Variants in C12orf60 observed in about 807,000 individuals in gnomAD.
C12orf60 encodes uncharacterized protein C12orf60.
For synonymous variants in C12orf60, 102 were observed against 94.6 expected, an observed-to-expected ratio of 1.08 and a Z score of -0.45; for missense variants, 284 against 283.2, an observed-to-expected ratio of 1.00 and a Z score of -0.02.
intron 1 of C12orf60, among the ~76,000 whole-genome samples, chr12:14,820,605 G>T (rs899536724): frequency 8.6e-4 from 130 of 151,886 alleles, no homozygotes; most frequent in African/African-American, 3.1e-3. Context: ...ATTTAAGGGT[G>T]TGTTGTTTAA....
Position 14,803,747 on chromosome 12 carries a change from G to A in C12orf60, c.-29G>A. 1 of 364,584 alleles carries A rather than the reference G, an allele frequency of 2.7e-6. No homozygotes were observed. Among genetic ancestry groups the A allele is most frequent in the Non-Finnish European group, 4.9e-6 (1 of 205,106 alleles). The allele number at this position is 364,584 out of a possible 1,614,324, so 22.6% of individuals were successfully genotyped here. A position where few individuals can be genotyped will look rare whatever the true frequency, so the allele number is the denominator to read the frequency against. On this transcript the variant is annotated 5_prime_UTR_variant, in exon 1 of 2. Coordinates refer to ENST00000330828, the MANE Select transcript of C12orf60 (RefSeq NM_175874.4). ...AGGCATCTTGACTTAGTTGCTGGGA[G>A]CCTGGTACGTTGAGCCGTCCGAGAA... is the stretch of plus-strand genomic sequence containing the variant.
intron 1 of C12orf60, among the ~76,000 whole-genome samples, chr12:14,809,085 C>A (rs1291036934): frequency 6.6e-6 from 1 of 152,120 alleles, no homozygotes; most frequent in East Asian, 1.9e-4. Flanking sequence ...AGCTATATTC[C>A]TTTTCAGACA....
At chr12:14,807,499 T>A (rs1950072062) in intron 1 of C12orf60, among the ~76,000 whole-genome samples, 1 of 152,202 alleles carries the variant, frequency 6.6e-6, no homozygotes, top group Admixed American at 6.5e-5. Context: ...TACAGGGCTG[T>A]TTTTTGTATT....
chr12:14,812,148 G>A (rs1201976538), intron 1 of C12orf60, among the ~76,000 whole-genome samples: 2 of 152,124 alleles, frequency 1.3e-5, no homozygotes, highest in African/African-American at 4.8e-5. Context: ...CCTATTTATA[G>A]CTTTAAAAAT....
intron 1 of C12orf60, among the ~76,000 whole-genome samples, chr12:14,812,198 A>C (rs954922021): frequency 6.6e-6 from 1 of 152,110 alleles, no homozygotes; most frequent in African/African-American, 2.4e-5. Flanking sequence ...TAATCCGAGC[A>C]CTTTGGGAGG....
chr12:14,821,802 G>T (rs1336983363), intron 1 of C12orf60, among the ~76,000 whole-genome samples: 2 of 151,788 alleles, frequency 1.3e-5, no homozygotes, highest in African/African-American at 4.8e-5. Context: ...ATTGCAACTG[G>T]TTCTCACCTG....
intron 1 of C12orf60, among the ~76,000 whole-genome samples, chr12:14,808,447 G>A (rs1402878494): frequency 6.6e-6 from 1 of 151,970 alleles, no homozygotes; most frequent in Non-Finnish European, 1.5e-5. Context: ...GTGGAATCTG[G>A]CACAGCCTCT....
chr12:14,822,343 C>CAAA (rs1950319370), intron 1 of C12orf60, among the ~76,000 whole-genome samples: 1 of 151,730 alleles, frequency 6.6e-6, no homozygotes, highest in Non-Finnish European at 1.5e-5. Flanking sequence ...ACAACAACAA[C>CAAA]AAACACAGAA....
In C12orf60 at chr12:14,823,679, C is replaced by T; in HGVS notation, c.*6C>T. The T allele has an allele frequency of 1.3e-6, 2 of 1,535,482 alleles. No homozygotes were observed. The highest frequency in any genetic ancestry group is 2.6e-5 in the South Asian group (2 of 77,164). ...AGAAAGCCAGTGACAAGTAGGGATG[C>T]AACAGAAATGTTCATTTCTGTCAGA... On this transcript the variant is annotated 3_prime_UTR_variant, in exon 2 of 2. Coordinates refer to ENST00000330828, the MANE Select transcript of C12orf60 (RefSeq NM_175874.4).
rs1430249570 is a variant in C12orf60, at chr12:14,822,949, C to T, written c.14C>T (p.Ser5Leu). 6.3e-7 allele frequency: 1 copy of T among 1,575,192 alleles called. No homozygotes were observed. Among genetic ancestry groups the T allele is most frequent in the Non-Finnish European group, 8.6e-7 (1 of 1,158,286 alleles). The change falls in exon 2 of 2, where the codon TCA becomes TTA. Residue 5 changes from serine to leucine, a missense_variant. Ser to Leu is a moderately radical substitution (Grantham distance 145). Coordinates refer to ENST00000330828, the MANE Select transcript of C12orf60 (RefSeq NM_175874.4). MSSE[S>L]EKDKERLIQA... ...TTTGTTGGAGAAATGTCTTCAGAGT[C>T]AGAAAAGGATAAAGAGAGACTGATT...
chr12:14,813,474 T>C (rs1255310423), intron 1 of C12orf60, among the ~76,000 whole-genome samples: 9 of 152,228 alleles, frequency 5.9e-5, no homozygotes. Context: ...ATATACTTTC[T>C]GATATAAATT....
chr12:14,806,280 T>C (rs780879666), intron 1 of C12orf60: 1 of 1,614,232 alleles, frequency 6.2e-7, no homozygotes, highest in South Asian at 1.1e-5. Context: ...GCCCACAAGT[T>C]TAACAGCGAC....
At position 14,804,201 on chromosome 12, in the gene C12orf60, C is replaced by G. The variant is rs767775776; in HGVS notation, c.-25+450C>G. 9.9e-4 allele frequency among the ~76,000 whole-genome samples: 150 copies of G among 152,128 alleles called. 2 individuals are homozygous for G. Among genetic ancestry groups the G allele is most frequent in the Non-Finnish European group, 3.4e-4 (23 of 68,024 alleles). The stretch of plus-strand genomic sequence containing the variant: ...CTATATTCCCGACTGGTCTTTTCAC[C>G]AGCCAAAAGTCCTCTATGATGTCAC... On this transcript the variant is annotated intron_variant, in intron 1 of 1. Transcript: ENST00000330828.
intron 1 of C12orf60, among the ~76,000 whole-genome samples, 173 bp downstream of exon 1, chr12:14,803,924 C>G (rs1466119457): frequency 1.3e-5 from 2 of 152,172 alleles, no homozygotes; most frequent in Non-Finnish European, 2.9e-5. Flanking sequence ...ACATTTGCCA[C>G]TGAGTTTAAT....
In C12orf60 at chr12:14,823,619, G is replaced by A. The variant is rs17761825; in HGVS notation, c.684G>A (p.Ala228=). Residue 228 remains alanine (A), a synonymous_variant, in exon 2 of 2, where the codon GCG becomes GCA. Transcript: ENST00000330828. ...MGPILEILQK[A]IKTMEMNISV... is the part of the protein sequence containing the mutation. ...CAATCTTAGAGATCCTCCAAAAAGC[G>A]ATAAAGACTATGGAAATGAATATTT... 1.5e-4 allele frequency: 243 copies of A among 1,603,272 alleles called. No homozygotes were observed. The highest frequency in any genetic ancestry group is 1.8e-4 in the Non-Finnish European group (210 of 1,176,954).
intron 1 of C12orf60, among the ~76,000 whole-genome samples, chr12:14,808,710 C>G (rs1950092936): frequency 1.3e-5 from 2 of 152,304 alleles, no homozygotes; most frequent in Non-Finnish European, 2.9e-5. Flanking sequence ...GAAAAATGCA[C>G]TGGAACCTCC....
rs774686155 is a variant in C12orf60, at chr12:14,806,600, A to G, written c.-25+2849A>G. 77 of 1,614,130 alleles carry G rather than the reference A, an allele frequency of 4.8e-5. No individual in the cohort carries two copies. The East Asian group carries it at 1.7e-3, about 36-fold the overall frequency. The stretch of plus-strand genomic sequence containing the variant: ...TGACATCGAAGCTGTCAGATAAGCA[A>G]TCAAGAAGCTGCTGGTGAAGACGAT... On this transcript the variant is annotated intron_variant, in intron 1 of 1. Coordinates refer to ENST00000330828, the MANE Select transcript of C12orf60 (RefSeq NM_175874.4).
intron 1 of C12orf60, among the ~76,000 whole-genome samples, chr12:14,804,080 A>C (rs911737054): frequency 6.6e-6 from 1 of 152,180 alleles, no homozygotes; most frequent in Non-Finnish European, 1.5e-5. Context: ...ATGGGCGGTG[A>C]TTTATTATTT....
chr12:14,812,784 G>A lies in C12orf60; in HGVS notation c.-25+9033G>A, dbSNP rs544911496. Among the ~76,000 whole-genome samples, 271 of 152,058 alleles carry A rather than the reference G, an allele frequency of 1.8e-3. 2 individuals carry two copies. The highest frequency in any genetic ancestry group is 3.4e-3 in the Middle Eastern group (1 of 294). On this transcript the variant is annotated intron_variant, in intron 1 of 1. Transcript: ENST00000330828. ...ACAATTTTTATTTTAGATTCAGGAG[G>A]TACATACACAGGTTTGTTCCCTGAC...
Sources: allele counts gnomAD v4.1 joint callset (sites outside exome capture counted in the v4.1 genomes callset), GRCh38; gene constraint gnomAD v4.1.1; transcripts MANE v1.5; gene names NCBI Gene and HGNC (gene_info 2026-07-23, HGNC 2026-07-21).